SPOCK1: variants seen among roughly 807,000 people sequenced by gnomAD.
SPOCK1 encodes the protein SPARC (osteonectin), cwcv and kazal like domains proteoglycan 1, also known as testican-1.
Under a neutral mutation model 55.3 loss-of-function variants are expected in SPOCK1, and 23 were observed. The observed-to-expected ratio is 0.42, with a 90% CI of 0.30 to 0.59. SPOCK1 has a LOEUF of 0.59. SPOCK1 is among the 20% of genes least tolerant of loss of function. The pLI, the probability that SPOCK1 is intolerant of heterozygous loss-of-function variation, is 0.22. For synonymous variants in SPOCK1, 226 were observed against 221.0 expected (o/e 1.02, Z -0.20); for missense variants, 499 against 552.5 (o/e 0.90, Z 0.97).
At chr5:137,040,448 A>T (rs1751973505) in intron 6 of SPOCK1, among the ~76,000 whole-genome samples, 1 of 152,232 alleles carries the variant, frequency 6.6e-6, no homozygotes, top group Non-Finnish European at 1.5e-5. Context: ...CATATCTGGG[A>T]GCAAGGGAAG....
chr5:137,174,449 T>C (rs1754814593), intron 3 of SPOCK1, among the ~76,000 whole-genome samples: 1 of 152,236 alleles, frequency 6.6e-6, no homozygotes, highest in African/African-American at 2.4e-5. Context: ...CTAATTATTT[T>C]TCATACATGC....
intron 2 of SPOCK1, among the ~76,000 whole-genome samples, chr5:137,417,438 C>A (rs1752362514): frequency 6.7e-6 from 1 of 149,618 alleles, no homozygotes; most frequent in Admixed American, 6.7e-5. Flanking sequence ...TTGACATTCA[C>A]ATACACTGTG....
At chr5:137,374,434 T>C (rs1334242713) in intron 2 of SPOCK1, among the ~76,000 whole-genome samples, 1 of 152,024 alleles carries the variant, frequency 6.6e-6, no homozygotes, top group East Asian at 1.9e-4. Context: ...GTCAAGAGAG[T>C]GTCAGCCTTC....
chr5:137,491,697 T>A (rs1349594550), intron 2 of SPOCK1, among the ~76,000 whole-genome samples: 2 of 152,216 alleles, frequency 1.3e-5, no homozygotes, highest in Non-Finnish European at 1.5e-5. Flanking sequence ...TCTCAGAGAC[T>A]ATAAACACAT....
chr5:137,272,121 C>T (rs935434868), intron 2 of SPOCK1, among the ~76,000 whole-genome samples: 2 of 152,334 alleles, frequency 1.3e-5, no homozygotes, highest in South Asian at 4.1e-4. Flanking sequence ...TAGATCAGAA[C>T]TGAGTTTGTA....
chr5:137,141,248 T>C (rs1276605927), intron 3 of SPOCK1, among the ~76,000 whole-genome samples: 1 of 152,220 alleles, frequency 6.6e-6, no homozygotes, highest in Non-Finnish European at 1.5e-5. Context: ...TTTCAGCATC[T>C]TCAGCTCAGG....
intron 6 of SPOCK1, among the ~76,000 whole-genome samples, chr5:137,039,677 A>G (rs914555981): frequency 1.3e-5 from 2 of 152,228 alleles, no homozygotes; most frequent in African/African-American, 4.8e-5. Flanking sequence ...AGGGAGGAGT[A>G]GCCCTGGCAT....
chr5:137,327,740 C>A (rs1231876608), intron 2 of SPOCK1, among the ~76,000 whole-genome samples: 1 of 151,552 alleles, frequency 6.6e-6, no homozygotes, highest in Non-Finnish European at 1.5e-5. Flanking sequence ...AATAAAAACA[C>A]ATAGCTCTTA....
intron 2 of SPOCK1, among the ~76,000 whole-genome samples, chr5:137,271,578 A>ACTGCAGAACCTATGGTTC (rs36033515): frequency 6.6e-6 from 1 of 151,934 alleles, no homozygotes; most frequent in Non-Finnish European, 1.5e-5. Context: ...ATCATAGCCA[A>ACTGCAGAACCTATGGTTC]CAGCCCATTT....
At chr5:137,469,442 GT>G (rs549513708) in intron 2 of SPOCK1, among the ~76,000 whole-genome samples, 76 of 147,038 alleles carry the variant, frequency 5.2e-4, no homozygotes, top group South Asian at 1.7e-3. Flanking sequence ...TCCCAAAGTT[GT>G]TTTTTTTTTA....
chr5:137,377,132 G>A (rs995920035), intron 2 of SPOCK1, among the ~76,000 whole-genome samples: 1 of 152,234 alleles, frequency 6.6e-6, no homozygotes, highest in African/African-American at 2.4e-5. Flanking sequence ...TCTTCAGTTT[G>A]TTGGCCCAAT....
intron 3 of SPOCK1, among the ~76,000 whole-genome samples, chr5:137,160,326 ATATATTATATATAT>A (rs1337027169): frequency 8.0e-6 from 1 of 124,740 alleles, no homozygotes. Flanking sequence ...TCCATAATAT[ATATATTATATATAT>A]TATATTATAT....
intron 2 of SPOCK1, among the ~76,000 whole-genome samples, chr5:137,403,205 G>A (rs1416175934): frequency 3.3e-5 from 5 of 152,256 alleles, no homozygotes; most frequent in Admixed American, 6.5e-5. Context: ...CTAGGATTCC[G>A]GCCCTCACAC....
intron 2 of SPOCK1, among the ~76,000 whole-genome samples, chr5:137,371,658 T>C (rs1329240238): frequency 3.9e-5 from 6 of 152,202 alleles, no homozygotes; most frequent in Admixed American, 1.3e-4. Flanking sequence ...AAGAAGTTGA[T>C]AAGTTTACCT....
intron 3 of SPOCK1, among the ~76,000 whole-genome samples, chr5:137,266,093 G>A (rs1399528650): frequency 2.0e-5 from 3 of 152,162 alleles, no homozygotes; most frequent in African/African-American, 2.4e-5. Flanking sequence ...CCATTAAACT[G>A]ACCAAGCAGA....
chr5:137,210,304 C>T (rs1368486169), intron 3 of SPOCK1, among the ~76,000 whole-genome samples: 2 of 152,158 alleles, frequency 1.3e-5, no homozygotes, highest in African/African-American at 4.8e-5. Flanking sequence ...ACTGAAAATG[C>T]CACCTAAAGA....
chr5:137,423,449 G>A (rs1242461718), intron 2 of SPOCK1, among the ~76,000 whole-genome samples: 1 of 152,236 alleles, frequency 6.6e-6, no homozygotes, highest in Non-Finnish European at 1.5e-5. Flanking sequence ...GAGCTTCCTG[G>A]CCACTTTGTT....
At chr5:137,481,189 C>T (rs1022061099) in intron 2 of SPOCK1, among the ~76,000 whole-genome samples, 2 of 152,166 alleles carry the variant, frequency 1.3e-5, no homozygotes, top group African/African-American at 2.4e-5. Flanking sequence ...TGCCTTCTCT[C>T]TCTCTGCAAG....
At position 137,347,991 on chromosome 5, in the gene SPOCK1, T is replaced by C. The variant is rs143257777; in HGVS notation, c.187-80936A>G. 2.7e-3 allele frequency among the ~76,000 whole-genome samples: 415 copies of C among 152,308 alleles called. 5 individuals carry two copies. Among genetic ancestry groups the C allele is most frequent in the African/African-American group, 8.5e-3 (353 of 41,570 alleles). On this transcript the variant is annotated intron_variant, in intron 2 of 10. Coordinates refer to ENST00000394945, the MANE Select transcript of SPOCK1 (RefSeq NM_004598.4). ...GATTCAGTAGGTCAGCAGCAGGGCCTGGCTTGCTGCGTTTCTATCCAGCTC... is the reference window on the plus strand; with the variant it reads ...GATTCAGTAGGTCAGCAGCAGGGCCCGGCTTGCTGCGTTTCTATCCAGCTC...
Sources: allele counts gnomAD v4.1 joint callset (sites outside exome capture counted in the v4.1 genomes callset), GRCh38; gene constraint gnomAD v4.1.1; transcripts MANE v1.5; gene names NCBI Gene and HGNC (gene_info 2026-07-23, HGNC 2026-07-21).